The following STK38L variants were observed in gnomAD, a reference collection of about 807,000 sequenced individuals.
The protein encoded by STK38L is serine/threonine-protein kinase 38-like.
In STK38L, 28 loss-of-function variants were observed where a neutral mutation model predicts 59.7. The ratio of observed to expected loss-of-function variants is 0.47; its 90% CI spans 0.35 to 0.64. The LOEUF (loss-of-function observed/expected upper bound fraction) is 0.64. STK38L is among the 30% of genes least tolerant of loss of function. STK38L has a pLI of 0.01. For missense variants in STK38L, 314 were observed against 555.8 expected (o/e 0.56, Z 4.37); for synonymous variants, 162 against 176.8 (o/e 0.92, Z 0.66).
intron 1 of STK38L, among the ~76,000 whole-genome samples, chr12:27,297,450 A>G (rs1175791418): frequency 1.3e-5 from 2 of 152,348 alleles, no homozygotes; most frequent in East Asian, 1.9e-4. Flanking sequence ...AAATGTGTCT[A>G]TATTATATAT....
In STK38L at chr12:27,269,954, G is replaced by A. The variant is rs200732946; in HGVS notation, c.-12+25622G>A. The stretch of plus-strand genomic sequence containing the variant: ...AGCTGCACCCGGCCAACTTTCAATC[G>A]TAAGTACCCTTTTTTGCTGCTGTTT... On this transcript the variant is annotated intron_variant, in intron 1 of 13. Coordinates refer to ENST00000389032, the MANE Select transcript of STK38L (RefSeq NM_015000.4). Among the ~76,000 whole-genome samples, 21 of 152,220 alleles carry A rather than the reference G, an allele frequency of 1.4e-4. No homozygotes were observed. In the East Asian group the frequency reaches 2.3e-3, roughly 17 times the overall value.
intron 1 of STK38L, among the ~76,000 whole-genome samples, chr12:27,287,905 C>T (rs536929554): frequency 6.6e-6 from 1 of 152,264 alleles, no homozygotes; most frequent in Admixed American, 6.5e-5. Flanking sequence ...TTGTTTGAGA[C>T]AGAGTCTCGC....
At chr12:27,306,619 T>C (rs1944319211) in intron 3 of STK38L, among the ~76,000 whole-genome samples, 1 of 152,072 alleles carries the variant, frequency 6.6e-6, no homozygotes, top group African/African-American at 2.4e-5. Context: ...CTTAATTATA[T>C]CAATGTAATT....
rs200307890 is a variant in STK38L at position 27,279,688 on chromosome 12, A to T, written c.-11-18022A>T. Among the ~76,000 whole-genome samples, 67 of 133,364 alleles carry T rather than the reference A, an allele frequency of 5.0e-4. 1 individual carries two copies. The highest frequency in any genetic ancestry group is 1.6e-3 in the Admixed American group (22 of 13,516). 87.5% of individuals were successfully genotyped at this position (133,364 alleles called of 152,430 possible). A position where few individuals can be genotyped will look rare whatever the true frequency, so the allele number is the denominator to read the frequency against. On this transcript the variant is annotated intron_variant, in intron 1 of 13. Coordinates refer to ENST00000389032, the MANE Select transcript of STK38L (RefSeq NM_015000.4). ...GTTTCAGCGAGCTAAAAAAAAAAAAATTTTTTTTTTTTTTTTTGCTACATT... is the reference window on the plus strand; with the variant it reads ...GTTTCAGCGAGCTAAAAAAAAAAAATTTTTTTTTTTTTTTTTTGCTACATT...
intron 1 of STK38L, among the ~76,000 whole-genome samples, chr12:27,284,892 C>T (rs1943737600): frequency 6.6e-6 from 1 of 152,124 alleles, no homozygotes. Flanking sequence ...CTTCTGTTTT[C>T]TCATGGTTGC....
chr12:27,277,900 T>C (rs780321065), intron 1 of STK38L, among the ~76,000 whole-genome samples: 1 of 152,184 alleles, frequency 6.6e-6, no homozygotes, highest in African/African-American at 2.4e-5. Context: ...ATAGATGAGC[T>C]TACATACTAG....
chr12:27,283,265 T>C (rs74548721), intron 1 of STK38L, among the ~76,000 whole-genome samples: 4,438 of 152,300 alleles, frequency 0.029, 93 homozygotes, highest in South Asian at 0.094. Context: ...ACTATGTGTG[T>C]GTGTTTATGC....
intron 1 of STK38L, among the ~76,000 whole-genome samples, chr12:27,292,575 C>T (rs533443982): frequency 1.3e-5 from 2 of 152,224 alleles, no homozygotes; most frequent in South Asian, 4.2e-4. Flanking sequence ...AATTTAAAAT[C>T]TATTACATTA....
intron 12 of STK38L, among the ~76,000 whole-genome samples, chr12:27,320,599 A>G (rs1224092928): frequency 6.6e-6 from 1 of 151,722 alleles, no homozygotes; most frequent in Admixed American, 6.6e-5. Flanking sequence ...TGTTGTAATA[A>G]TAGCTAATTT....
chr12:27,262,310 T>A (rs561876825), intron 1 of STK38L, among the ~76,000 whole-genome samples: 1 of 152,200 alleles, frequency 6.6e-6, no homozygotes, highest in Admixed American at 6.5e-5. Context: ...AAATTTCAAC[T>A]TTTAAAAATA....
chr12:27,314,053 T>C (rs1944524947), intron 6 of STK38L, among the ~76,000 whole-genome samples: 1 of 152,172 alleles, frequency 6.6e-6, no homozygotes, highest in South Asian at 2.1e-4. Flanking sequence ...AATAGCACTT[T>C]TATTTGTCCC....
At chr12:27,270,809 T>C (rs61915908) in intron 1 of STK38L, among the ~76,000 whole-genome samples, 10,756 of 152,276 alleles carry the variant, frequency 0.071, 509 homozygotes, top group Non-Finnish European at 0.11. Flanking sequence ...CCACCATGCC[T>C]GGCTTGAATC....
At chr12:27,310,328 A>G (rs1485086007) in intron 5 of STK38L, among the ~76,000 whole-genome samples, 1 of 152,218 alleles carries the variant, frequency 6.6e-6, no homozygotes, top group Non-Finnish European at 1.5e-5. Context: ...ACAAAAAGGA[A>G]GAAAAAAGAA....
intron 2 of STK38L, among the ~76,000 whole-genome samples, chr12:27,301,262 ATATT>A (rs1003463992): frequency 1.2e-4 from 18 of 152,028 alleles, no homozygotes; most frequent in African/African-American, 4.3e-4. Context: ...TTTTTAAAAA[ATATT>A]TATTTATTTA....
chr12:27,320,552 A>G (rs971199508), intron 12 of STK38L, among the ~76,000 whole-genome samples: 3 of 140,216 alleles, frequency 2.1e-5, no homozygotes, highest in Non-Finnish European at 4.5e-5. Context: ...TCGGCCTCCC[A>G]AAGTGCTGGG....
chr12:27,252,762 A>G (rs1228658392), intron 1 of STK38L, among the ~76,000 whole-genome samples: 1 of 152,194 alleles, frequency 6.6e-6, no homozygotes, highest in African/African-American at 2.4e-5. Flanking sequence ...CATGTATATG[A>G]CCCATTGATA....
chr12:27,289,914 A>G (rs1187473211), intron 1 of STK38L, among the ~76,000 whole-genome samples: 1 of 152,190 alleles, frequency 6.6e-6, no homozygotes, highest in African/African-American at 2.4e-5. Context: ...GAAGTAATCT[A>G]ATTTGTCAAA....
At chr12:27,267,012 G>GT (rs1412016771) in intron 1 of STK38L, among the ~76,000 whole-genome samples, 1 of 152,022 alleles carries the variant, frequency 6.6e-6, no homozygotes, top group African/African-American at 2.4e-5. Context: ...TCATTGCTTT[G>GT]TTTTTTAAAT....
At chr12:27,271,364 T>C (rs1323620533) in intron 1 of STK38L, among the ~76,000 whole-genome samples, 2 of 152,350 alleles carry the variant, frequency 1.3e-5, no homozygotes, top group South Asian at 2.1e-4. Context: ...CCAGTACTTT[T>C]AAGGAAGGAG....
Sources: allele counts gnomAD v4.1 joint callset (sites outside exome capture counted in the v4.1 genomes callset), GRCh38; gene constraint gnomAD v4.1.1; transcripts MANE v1.5; gene names NCBI Gene and HGNC (gene_info 2026-07-23, HGNC 2026-07-21).